Variants in OPHN1 observed in about 807,000 individuals in gnomAD.
OPHN1 encodes oligophrenin-1.
Under a neutral mutation model 60.7 loss-of-function variants are expected in OPHN1, and 11 were observed. The ratio of observed to expected loss-of-function variants is 0.18; its 90% CI spans 0.11 to 0.30. The LOEUF (loss-of-function observed/expected upper bound fraction) is 0.30, where lower values mean the gene tolerates loss of function less well. OPHN1 is among the 10% of genes least tolerant of loss of function. The pLI is 1.00. For missense variants in OPHN1, 449 were observed against 611.0 expected (o/e 0.73, Z 2.80); for synonymous variants, 226 against 222.6 (o/e 1.02, Z -0.14).
At chrX:68,357,355 AC>A (rs2078446382) in intron 2 of OPHN1, among the ~76,000 whole-genome samples, 1 of 110,965 alleles carries the variant, frequency 9.0e-6, no homozygotes, top group Non-Finnish European at 1.9e-5. Context: ...GCACCCATTA[AC>A]TTGTCATTTA....
At chrX:68,415,459 T>C (rs1260386781) in intron 2 of OPHN1, among the ~76,000 whole-genome samples, 1 of 111,528 alleles carries the variant, frequency 9.0e-6, no homozygotes, top group African/African-American at 3.3e-5. Context: ...GGAGAAAGCT[T>C]GACTGGGCAA....
chrX:68,218,649 T>A, intron 6 of OPHN1, among the ~76,000 whole-genome samples: 1 of 107,774 alleles, frequency 9.3e-6, no homozygotes. Flanking sequence ...AAAAGAATTC[T>A]CAACCCAGAA....
intron 2 of OPHN1, among the ~76,000 whole-genome samples, chrX:68,300,443 G>A (rs957071281): frequency 2.7e-5 from 3 of 112,180 alleles, no homozygotes; most frequent in Non-Finnish European, 5.6e-5. Context: ...CTCTTTGAAC[G>A]AATCACTGAA....
At chrX:68,267,482 A>G (rs1276626420) in intron 5 of OPHN1, among the ~76,000 whole-genome samples, 1 of 112,302 alleles carries the variant, frequency 8.9e-6, no homozygotes, top group Non-Finnish European at 1.9e-5. Flanking sequence ...GAAACCAATG[A>G]GAACAAAGAC....
At chrX:68,056,348 C>T (rs1050891231) in intron 21 of OPHN1, among the ~76,000 whole-genome samples, 3 of 111,409 alleles carry the variant, frequency 2.7e-5, no homozygotes, top group Admixed American at 9.5e-5. Flanking sequence ...TGTAAATGTT[C>T]GTGAAGTTCT....
At chrX:68,071,888 G>A (rs577771847) in intron 20 of OPHN1, 25 of 290,887 alleles carry the variant, frequency 8.6e-5, no homozygotes, top group South Asian at 2.1e-4. Context: ...ACTGGCTGCC[G>A]GGGAGAATGA....
At chrX:68,375,412 C>G (rs191191246) in intron 2 of OPHN1, among the ~76,000 whole-genome samples, 1 of 111,403 alleles carries the variant, frequency 9.0e-6, no homozygotes, top group African/African-American at 3.3e-5. Flanking sequence ...TGAGAGGATT[C>G]AGAACAGGGA....
chrX:68,196,593 C>T (rs1418750577), intron 12 of OPHN1, among the ~76,000 whole-genome samples: 1 of 111,512 alleles, frequency 9.0e-6, no homozygotes, highest in Non-Finnish European at 1.9e-5. Flanking sequence ...TTCTATTGGT[C>T]GCTTGATGAT....
intron 15 of OPHN1, among the ~76,000 whole-genome samples, chrX:68,136,641 T>G (rs1263405131): frequency 9.0e-6 from 1 of 111,651 alleles, no homozygotes; most frequent in Non-Finnish European, 1.9e-5. Flanking sequence ...AGGGTCTACT[T>G]TCTGAAATTT....
At chrX:68,374,769 T>A (rs773512483) in intron 2 of OPHN1, among the ~76,000 whole-genome samples, 5 of 112,483 alleles carry the variant, frequency 4.4e-5, no homozygotes, top group Non-Finnish European at 7.5e-5. Context: ...TACATAAGAT[T>A]CAATAAAGAA....
rs1012245359 is a variant in OPHN1, at chrX:68,044,700, G to A, written c.*2472C>T. 6 of 112,464 alleles carry A rather than the reference G, an allele frequency of 5.3e-5. No individual in the cohort carries two copies. The highest frequency in any genetic ancestry group is 5.6e-4 in the East Asian group (2 of 3,549). 9.3% of individuals were successfully genotyped at this position (112,464 alleles called of 1,213,427 possible). ...TTAAGTCAGAGTGCCAAAGGCAGGC[G>A]TTGAAATTCATTCTTTGGCATTCTT... On this transcript the variant is annotated 3_prime_UTR_variant, in exon 25 of 25. Coordinates refer to ENST00000355520, the MANE Select transcript of OPHN1 (RefSeq NM_002547.3).
chrX:68,068,365 G>A (rs4827412), intron 20 of OPHN1, among the ~76,000 whole-genome samples: 7,875 of 107,023 alleles, frequency 0.074, 371 homozygotes, highest in East Asian at 0.29. Flanking sequence ...CAGCTACTCG[G>A]GAGGCTGAGG....
chrX:68,180,407 G>A lies in OPHN1; in HGVS notation c.1276+12512C>T, dbSNP rs190497101. Among the ~76,000 whole-genome samples, 7 of 111,344 alleles carry A rather than the reference G, an allele frequency of 6.3e-5. No individual in the cohort carries two copies. In the East Asian group the frequency reaches 2.0e-3, roughly 31 times the overall value. ...CGTTATTTTTAATATTAATGTTTCTGAAACATATTCAGCATTAAAAAGATT... is the reference window on the plus strand; with the variant it reads ...CGTTATTTTTAATATTAATGTTTCTAAAACATATTCAGCATTAAAAAGATT... On this transcript the variant is annotated intron_variant, in intron 15 of 24. Transcript: ENST00000355520.
chrX:68,261,346 G>A (rs1343347084), intron 5 of OPHN1, among the ~76,000 whole-genome samples: 1 of 111,656 alleles, frequency 9.0e-6, no homozygotes, highest in Admixed American at 9.6e-5. Flanking sequence ...AGGCTAGAGG[G>A]GATGACTGAG....
intron 5 of OPHN1, among the ~76,000 whole-genome samples, chrX:68,239,276 T>G (rs958709116): frequency 9.0e-6 from 1 of 111,385 alleles, no homozygotes; most frequent in Non-Finnish European, 1.9e-5. Flanking sequence ...GCCGGTGTCC[T>G]CCTGGTATCT....
At chrX:68,313,250 G>T (rs2078182744) in intron 2 of OPHN1, among the ~76,000 whole-genome samples, 1 of 111,675 alleles carries the variant, frequency 9.0e-6, no homozygotes, top group Non-Finnish European at 1.9e-5. Context: ...CCACTATGTA[G>T]AACAGTTTGG....
intron 2 of OPHN1, among the ~76,000 whole-genome samples, chrX:68,334,619 T>C (rs763387068): frequency 1.1e-4 from 12 of 112,068 alleles, no homozygotes; most frequent in Admixed American, 1.1e-3. Context: ...AAAAACTAAA[T>C]TGGATTTCTA....
At chrX:68,214,723 G>A (rs2077600185) in intron 6 of OPHN1, among the ~76,000 whole-genome samples, 1 of 112,276 alleles carries the variant, frequency 8.9e-6, no homozygotes, top group South Asian at 3.7e-4. Flanking sequence ...TAGGCCAAGT[G>A]CGGTAGCTCA....
chrX:68,197,150 A>G (rs1426923815), intron 12 of OPHN1, 36 bp downstream of exon 12: 1 of 1,074,858 alleles, frequency 9.3e-7, no homozygotes, highest in African/African-American at 1.8e-5. Context: ...ACACTGGCAT[A>G]TGCTGGGGAG....
Sources: gnomAD v4.1 joint callset for allele counts (sites outside exome capture counted in the v4.1 genomes callset) on GRCh38, gnomAD v4.1.1 for gene constraint, MANE v1.5 for transcripts, NCBI Gene and HGNC (gene_info 2026-07-23, HGNC 2026-07-21) for gene names.